NTM: variants seen among roughly 807,000 people sequenced by gnomAD.
The protein encoded by NTM is neurotrimin, also known as IgLON family member 2.
In NTM, 13 loss-of-function variants were observed where a neutral mutation model predicts 42.1. The observed-to-expected ratio is 0.31, with a 90% CI of 0.20 to 0.49. NTM has a LOEUF of 0.49. NTM is among the 20% of genes least tolerant of loss of function. The pLI is 0.99. For synonymous variants in NTM, 187 were observed against 179.2 expected, an observed-to-expected ratio of 1.04 and a Z score of -0.35; for missense variants, 373 against 452.8, an observed-to-expected ratio of 0.82 and a Z score of 1.60.
At chr11:132,106,259 C>T (rs969548499) in intron 2 of NTM, among the ~76,000 whole-genome samples, 2 of 152,204 alleles carry the variant, frequency 1.3e-5, no homozygotes, top group Non-Finnish European at 2.9e-5. Flanking sequence ...GATACCAACA[C>T]GGCTCCCTCT....
At chr11:131,774,941 C>T (rs531281732) in intron 1 of NTM, among the ~76,000 whole-genome samples, 1 of 152,292 alleles carries the variant, frequency 6.6e-6, no homozygotes, top group Non-Finnish European at 1.5e-5. Context: ...TCTCCGTTCC[C>T]TGCAGTGGTT....
chr11:131,504,569 G>T (rs147202888), intron 1 of NTM, among the ~76,000 whole-genome samples: 206 of 152,222 alleles, frequency 1.4e-3, no homozygotes, highest in African/African-American at 3.6e-3. Flanking sequence ...CAGCGCTGGG[G>T]TTCTCTCACC....
chr11:131,834,133 C>T (rs1397482072), intron 1 of NTM, among the ~76,000 whole-genome samples: 3 of 152,048 alleles, frequency 2.0e-5, no homozygotes, highest in African/African-American at 7.2e-5. Context: ...CTCCCTTGGC[C>T]TCTGTTTAGT....
At chr11:131,782,873 T>C (rs1218630731) in intron 1 of NTM, among the ~76,000 whole-genome samples, 6 of 152,170 alleles carry the variant, frequency 3.9e-5, no homozygotes, top group Admixed American at 3.9e-4. Flanking sequence ...ATAGCTATTA[T>C]CATACTTCGT....
At chr11:131,883,195 C>G (rs1348780222) in intron 1 of NTM, among the ~76,000 whole-genome samples, 2 of 152,174 alleles carry the variant, frequency 1.3e-5, no homozygotes, top group African/African-American at 2.4e-5. Context: ...CAGGACATAA[C>G]CTTTTCATGC....
chr11:131,820,965 A>C lies in NTM; in HGVS notation c.83-90599A>C, dbSNP rs745710054. Reference sequence around the variant, plus strand: ...AGCCTTTCCTGACATACAAGCCTAGAAGGGTTGTAAGGATTGCTCATCTTC... The same window carrying C: ...AGCCTTTCCTGACATACAAGCCTAGCAGGGTTGTAAGGATTGCTCATCTTC... On this transcript the variant is annotated intron_variant, in intron 1 of 8. Coordinates refer to ENST00000683400, the MANE Select transcript of NTM (RefSeq NM_001352005.2). Among the ~76,000 whole-genome samples, 94 of 152,208 alleles carry C rather than the reference A, an allele frequency of 6.2e-4. 1 individual carries two copies. The highest frequency in any genetic ancestry group is 2.2e-3 in the African/African-American group (91 of 41,512).
chr11:131,377,843 A>T lies in NTM; in HGVS notation c.82+6955A>T, dbSNP rs1942173601. Among the ~76,000 whole-genome samples the T allele has an allele frequency of 2.6e-5, 4 of 152,176 alleles. No individual in the cohort carries two copies. The South Asian group carries it at 8.3e-4, about 32-fold the overall frequency. ...GGCTGCTGCTATCTGCATTTCCATC[A>T]CGGTGGTGGTGATCATGCCTAGGTT... On this transcript the variant is annotated intron_variant, in intron 1 of 8. Transcript: ENST00000683400.
chr11:131,900,137 C>T (rs71483699), intron 1 of NTM, among the ~76,000 whole-genome samples: 13,679 of 152,208 alleles, frequency 0.09, 657 homozygotes, highest in East Asian at 0.12. Flanking sequence ...CTTCATGAGC[C>T]AGTCAGAACC....
intron 2 of NTM, among the ~76,000 whole-genome samples, chr11:132,134,208 C>T (rs1167163872): frequency 6.6e-6 from 1 of 152,152 alleles, no homozygotes; most frequent in Non-Finnish European, 1.5e-5. Flanking sequence ...CAGGCGTGAG[C>T]CACCGTGCCT....
At chr11:131,574,425 C>G (rs2057740357) in intron 1 of NTM, among the ~76,000 whole-genome samples, 1 of 152,124 alleles carries the variant, frequency 6.6e-6, no homozygotes, top group African/African-American at 2.4e-5. Context: ...TAAATTGAGA[C>G]CCAGATGGTG....
At chr11:131,826,572 A>AG (rs1760697300) in intron 1 of NTM, among the ~76,000 whole-genome samples, 1 of 151,736 alleles carries the variant, frequency 6.6e-6, no homozygotes, top group Non-Finnish European at 1.5e-5. Context: ...TCTAAAAAAA[A>AG]AAAAGTCAGA....
intron 1 of NTM, among the ~76,000 whole-genome samples, chr11:131,907,828 C>T (rs1185507138): frequency 1.3e-5 from 2 of 152,088 alleles, no homozygotes; most frequent in South Asian, 2.1e-4. Flanking sequence ...AAGCAGGAGA[C>T]AGGATATAAG....
intron 2 of NTM, among the ~76,000 whole-genome samples, chr11:132,122,634 G>C (rs1455363558): frequency 6.6e-6 from 1 of 152,162 alleles, no homozygotes; most frequent in South Asian, 2.1e-4. Flanking sequence ...ATAAGCAGCA[G>C]TGCCACCTCA....
At chr11:131,476,987 A>C (rs960429486) in intron 1 of NTM, among the ~76,000 whole-genome samples, 1 of 152,112 alleles carries the variant, frequency 6.6e-6, no homozygotes, top group Non-Finnish European at 1.5e-5. Context: ...CTTGCTATGC[A>C]TACCCCGCAC....
intron 1 of NTM, among the ~76,000 whole-genome samples, chr11:131,618,933 T>A (rs2062232533): frequency 6.6e-6 from 1 of 152,198 alleles, no homozygotes; most frequent in Admixed American, 6.5e-5. Context: ...CATAATTGTC[T>A]GGCATGTTTT....
intron 1 of NTM, among the ~76,000 whole-genome samples, chr11:131,815,148 C>T (rs1370156033): frequency 6.6e-6 from 1 of 152,212 alleles, no homozygotes; most frequent in Non-Finnish European, 1.5e-5. Context: ...CTTAGAGGGA[C>T]CATCTGGACT....
chr11:132,104,151 A>T (rs2061972168), intron 2 of NTM, among the ~76,000 whole-genome samples: 1 of 152,172 alleles, frequency 6.6e-6, no homozygotes, highest in African/African-American at 2.4e-5. Context: ...TTGCACTAGA[A>T]AGAAGTAATC....
intron 1 of NTM, among the ~76,000 whole-genome samples, chr11:131,480,537 C>T (rs1836767533): frequency 1.3e-5 from 2 of 152,302 alleles, no homozygotes; most frequent in Admixed American, 6.5e-5. Context: ...GCCACAAATG[C>T]TTCAGAACAA....
At chr11:131,881,504 ACACACC>A (rs1485881465) in intron 1 of NTM, among the ~76,000 whole-genome samples, 14 of 151,210 alleles carry the variant, frequency 9.3e-5, no homozygotes, top group East Asian at 3.9e-4. Flanking sequence ...ACACACACAC[ACACACC>A]CCCCAAAGCT....
Sources: allele counts gnomAD v4.1 joint callset (sites outside exome capture counted in the v4.1 genomes callset), GRCh38; gene constraint gnomAD v4.1.1; transcripts MANE v1.5; gene names NCBI Gene and HGNC (gene_info 2026-07-23, HGNC 2026-07-21).